RGL1: variants seen among roughly 807,000 people sequenced by gnomAD.
RGL1 encodes ral guanine nucleotide dissociation stimulator like 1.
RGL1 carries 24 observed loss-of-function variants against 95.2 expected under a neutral mutation model. The observed-to-expected ratio is 0.25, with a 90% CI of 0.18 to 0.35. The LOEUF (loss-of-function observed/expected upper bound fraction) is 0.35. RGL1 is among the 10% of genes least tolerant of loss of function. The probability of loss-of-function intolerance (pLI) is 1.00; values close to 1 mark genes in which losing one functional copy is unlikely to be tolerated. For missense variants in RGL1, 715 were observed against 936.3 expected, an observed-to-expected ratio of 0.76 and a Z score of 3.08; for synonymous variants, 329 against 344.9, an observed-to-expected ratio of 0.95 and a Z score of 0.51.
chr1:183,775,540 T>C lies in RGL1; in HGVS notation c.133-30835T>C, dbSNP rs1435167537. 3.3e-5 allele frequency among the ~76,000 whole-genome samples: 5 copies of C among 152,224 alleles called. No homozygotes were observed. The South Asian group carries it at 8.3e-4, about 25-fold the overall frequency. The stretch of plus-strand genomic sequence containing the variant: ...CAAATATAGGCAGAATTTGAGGATA[T>C]AGGCAATGAAGAGAAAAGCCCATGG... On this transcript the variant is annotated intron_variant, in intron 2 of 18. Transcript: ENST00000304685.
intron 10 of RGL1, among the ~76,000 whole-genome samples, chr1:183,899,872 C>G (rs966663054): frequency 8.5e-5 from 13 of 152,192 alleles, no homozygotes; most frequent in African/African-American, 3.1e-4. Context: ...CTCACTTGAG[C>G]CAAAGCAAAA....
At chr1:183,911,118 T>C (rs1261835773) in intron 14 of RGL1, among the ~76,000 whole-genome samples, 1 of 152,200 alleles carries the variant, frequency 6.6e-6, no homozygotes, top group Admixed American at 6.5e-5. Flanking sequence ...GGTATATCCC[T>C]CCCGCAAGAT....
intron 1 of RGL1, among the ~76,000 whole-genome samples, chr1:183,685,592 C>T (rs1653527229): frequency 6.6e-6 from 1 of 152,090 alleles, no homozygotes; most frequent in South Asian, 2.1e-4. Flanking sequence ...GATTATAGTA[C>T]ATGAAACATT....
intron 1 of RGL1, among the ~76,000 whole-genome samples, chr1:183,737,030 T>C (rs144016994): frequency 6.2e-4 from 95 of 152,236 alleles, no homozygotes; most frequent in African/African-American, 2.1e-3. Context: ...AGAAGGAAAG[T>C]AAAATTCAAT....
At chr1:183,846,920 C>T (rs1664483397) in intron 2 of RGL1, among the ~76,000 whole-genome samples, 1 of 152,042 alleles carries the variant, frequency 6.6e-6, no homozygotes, top group Non-Finnish European at 1.5e-5. Context: ...TGGAACAAAA[C>T]AAAGGGAATG....
intron 14 of RGL1, among the ~76,000 whole-genome samples, chr1:183,908,203 A>G (rs1668448343): frequency 6.6e-6 from 1 of 152,058 alleles, no homozygotes; most frequent in South Asian, 2.1e-4. Flanking sequence ...TGGGCATTTG[A>G]TATTTCCCAG....
intron 11 of RGL1, among the ~76,000 whole-genome samples, chr1:183,901,155 C>A (rs1241791221): frequency 6.6e-6 from 1 of 151,904 alleles, no homozygotes; most frequent in Non-Finnish European, 1.5e-5. Flanking sequence ...AAAAATCAGC[C>A]GGGCATGGTG....
intron 17 of RGL1, among the ~76,000 whole-genome samples, chr1:183,923,808 G>T (rs975392576): frequency 6.6e-6 from 1 of 152,138 alleles, no homozygotes; most frequent in Non-Finnish European, 1.5e-5. Context: ...ATTGTTCTCC[G>T]CTGAGCCTTT....
intron 2 of RGL1, among the ~76,000 whole-genome samples, chr1:183,796,308 C>G (rs1660700288): frequency 6.6e-6 from 1 of 151,872 alleles, no homozygotes; most frequent in Non-Finnish European, 1.5e-5. Context: ...GGGATACAGG[C>G]ACATGCCACC....
chr1:183,658,340 A>G (rs147530495), intron 1 of RGL1, among the ~76,000 whole-genome samples: 12,455 of 152,266 alleles, frequency 0.082, 1,006 homozygotes, highest in African/African-American at 0.21. Context: ...CTGGAAAATC[A>G]GGTCACTCCC....
chr1:183,786,546 C>A (rs1243550565), intron 2 of RGL1, among the ~76,000 whole-genome samples: 1 of 152,130 alleles, frequency 6.6e-6, no homozygotes, highest in Non-Finnish European at 1.5e-5. Flanking sequence ...AATGAGCATT[C>A]CCTTTGAGTG....
At chr1:183,657,011 CA>C (rs1278009517) in intron 1 of RGL1, among the ~76,000 whole-genome samples, 13,459 of 124,566 alleles carry the variant, frequency 0.11, 1,228 homozygotes, top group African/African-American at 0.28. Context: ...AAAATCGACT[CA>C]AAAAAAAAAA....
At chr1:183,649,625 G>A (rs945219942) in intron 1 of RGL1, among the ~76,000 whole-genome samples, 3 of 152,142 alleles carry the variant, frequency 2.0e-5, no homozygotes, top group African/African-American at 4.8e-5. Context: ...TTTCTTTCCC[G>A]TGAGTGGGTC....
chr1:183,893,598 C>T (rs181195354), intron 9 of RGL1, among the ~76,000 whole-genome samples: 4 of 152,236 alleles, frequency 2.6e-5, no homozygotes, highest in East Asian at 1.9e-4. Flanking sequence ...TTAGGTTAGT[C>T]GATCCTATAA....
At chr1:183,640,343 C>A (rs1209872566) in intron 1 of RGL1, among the ~76,000 whole-genome samples, 2 of 152,144 alleles carry the variant, frequency 1.3e-5, no homozygotes, top group East Asian at 3.8e-4. Context: ...GACAGGACTT[C>A]CAAAAATGTC....
intron 4 of RGL1, among the ~76,000 whole-genome samples, chr1:183,873,098 G>GA (rs1300412507): frequency 6.6e-6 from 1 of 152,126 alleles, no homozygotes; most frequent in African/African-American, 2.4e-5. Flanking sequence ...GCCCTGAGCA[G>GA]AAACTGATGT....
At chr1:183,786,370 C>T (rs1314364058) in intron 2 of RGL1, among the ~76,000 whole-genome samples, 1 of 152,172 alleles carries the variant, frequency 6.6e-6, no homozygotes, top group East Asian at 1.9e-4. Context: ...TGAACTCCAA[C>T]CTGGGTGACA....
At chr1:183,654,354 C>G (rs1650987981) in intron 1 of RGL1, among the ~76,000 whole-genome samples, 1 of 152,168 alleles carries the variant, frequency 6.6e-6, no homozygotes, top group South Asian at 2.1e-4. Context: ...TTTCTCATTG[C>G]TTGCATCTTC....
Position 183,927,559 on chromosome 1 carries a change from T to C in RGL1, c.*1267T>C, listed in dbSNP as rs199602893. 1 of 152,542 alleles carries C rather than the reference T, an allele frequency of 6.6e-6. No homozygotes were observed. The highest frequency in any genetic ancestry group is 2.4e-5 in the African/African-American group (1 of 41,400). 9.4% of individuals were successfully genotyped at this position (152,542 alleles called of 1,614,324 possible). ...AGATGGAATCAATAACTTTTTTTTT[T>C]CCAGGTTCCCGTGCTTGCTATCACA... On this transcript the variant is annotated 3_prime_UTR_variant, in exon 18 of 18. Coordinates refer to ENST00000360851, the MANE Select transcript of RGL1 (RefSeq NM_001297671.3).
Sources: allele counts gnomAD v4.1 joint callset (sites outside exome capture counted in the v4.1 genomes callset), GRCh38; gene constraint gnomAD v4.1.1; transcripts MANE v1.5; gene names NCBI Gene and HGNC (gene_info 2026-07-23, HGNC 2026-07-21).